The following TMEM33 variants were observed in gnomAD, a reference collection of about 807,000 sequenced individuals.
The protein encoded by TMEM33 is transmembrane protein 33.
In TMEM33, 16 loss-of-function variants were observed where a neutral mutation model predicts 29.7. That is an observed-to-expected ratio of 0.54 (90% CI 0.36 to 0.82). The LOEUF is 0.82. Ranked by LOEUF, TMEM33 falls within the 40% of genes least tolerant of loss-of-function variation. TMEM33 has a pLI of 0.00. For missense variants in TMEM33, 252 were observed against 295.3 expected (o/e 0.85, Z 1.08); for synonymous variants, 112 against 109.4 (o/e 1.02, Z -0.15).
At chr4:41,937,971 G>T (rs1712324880) in intron 1 of TMEM33, among the ~76,000 whole-genome samples, 1 of 152,130 alleles carries the variant, frequency 6.6e-6, no homozygotes, top group Non-Finnish European at 1.5e-5. Flanking sequence ...AGAGGCAGGT[G>T]GCCATTTAAT....
intron 5 of TMEM33, among the ~76,000 whole-genome samples, 188 bp downstream of exon 5, chr4:41,945,114 A>G (rs535492135): frequency 0.044 from 6,659 of 152,166 alleles, 442 homozygotes; most frequent in African/African-American, 0.15. Context: ...TAGACCTAGG[A>G]ATTTGTCTTA....
At chr4:41,941,762 C>T (rs868487404) in intron 3 of TMEM33, among the ~76,000 whole-genome samples, 6 of 152,244 alleles carry the variant, frequency 3.9e-5, no homozygotes, top group African/African-American at 7.2e-5. Context: ...TAAATAAAAG[C>T]GGGCCCAAAG....
chr4:41,959,750 G>A lies in TMEM33; in HGVS notation c.*5551G>A, dbSNP rs1382016125. On this transcript the variant is annotated 3_prime_UTR_variant, in exon 7 of 7. Coordinates refer to ENST00000504986, the MANE Select transcript of TMEM33 (RefSeq NM_018126.3). Reference sequence around the variant, plus strand: ...ACCAAATCGGTGAAGTGTTGAGCAAGTAACATTTATGATGTGTGTATATTG... The same window carrying A: ...ACCAAATCGGTGAAGTGTTGAGCAAATAACATTTATGATGTGTGTATATTG... 2.6e-5 allele frequency: 4 copies of A among 152,138 alleles called. No individual in the cohort carries two copies. The highest frequency in any genetic ancestry group is 4.4e-5 in the Non-Finnish European group (3 of 67,984). The allele number at this position is 152,138 out of a possible 1,614,324, so 9.4% of individuals were successfully genotyped here. A position where few individuals can be genotyped will look rare whatever the true frequency, so the allele number is the denominator to read the frequency against.
At chr4:41,951,015 C>T (rs1577654937) in intron 6 of TMEM33, among the ~76,000 whole-genome samples, 1 of 152,258 alleles carries the variant, frequency 6.6e-6, no homozygotes, top group South Asian at 2.1e-4. Context: ...AATATTTCAG[C>T]TTGTAAATAT....
upstream of TMEM33, chr4:41,935,236 C>T (rs980713559): frequency 3.3e-5 from 19 of 584,174 alleles, no homozygotes; most frequent in Non-Finnish European, 5.2e-5. Context: ...CTGGAAACAC[C>T]GCTTTGATCT....
intron 6 of TMEM33, among the ~76,000 whole-genome samples, chr4:41,951,865 C>A (rs1041308110): frequency 1.1e-4 from 16 of 152,044 alleles, no homozygotes; most frequent in Admixed American, 1.0e-3. Context: ...ATATCTGTGT[C>A]CACAAAGGTA....
In TMEM33 at chr4:41,940,147, C is replaced by CA. The variant is rs1215702673; in HGVS notation, c.328+765dup. Reference sequence around the variant, plus strand: ...TGCTGGGATTATAGGCGTGAGCCATCACGCCCAGCCAGGTCAAACATTTTT... The same window carrying CA: ...TGCTGGGATTATAGGCGTGAGCCATCAACGCCCAGCCAGGTCAAACATTTTT... On this transcript the variant is annotated intron_variant, in intron 3 of 6. Transcript: ENST00000504986. Among the ~76,000 whole-genome samples, 5 of 145,268 alleles carry CA rather than the reference C, an allele frequency of 3.4e-5. No homozygotes were observed. In the East Asian group the frequency reaches 1.1e-3, roughly 32 times the overall value.
intron 5 of TMEM33, 91 bp from the exon 6 acceptor site, chr4:41,949,211 A>C: frequency 4.0e-6 from 3 of 758,108 alleles, no homozygotes; most frequent in South Asian, 3.8e-5. Context: ...ATGAAGATAC[A>C]CATATTCTCC....
Position 41,954,364 on chromosome 4 carries a change from C to A in TMEM33, c.*165C>A. ...TAATCATTTTCTTGGCATGTTAAAT[C>A]AAGCTTAAAAAGTTTTGAGAAAATT... On this transcript the variant is annotated 3_prime_UTR_variant, in exon 7 of 7. Coordinates refer to ENST00000504986, the MANE Select transcript of TMEM33 (RefSeq NM_018126.3). The A allele has an allele frequency of 2.4e-6, 2 of 849,726 alleles. No individual in the cohort carries two copies. The highest frequency in any genetic ancestry group is 2.4e-5 in the South Asian group (1 of 42,310). 52.6% of individuals were successfully genotyped at this position (849,726 alleles called of 1,614,324 possible).
intron 5 of TMEM33, 58 bp downstream of exon 5, chr4:41,944,984 A>G: frequency 6.3e-7 from 1 of 1,585,518 alleles, no homozygotes. Context: ...TAAAGATAGT[A>G]ACTCAAGTTT....
Position 41,957,528 on chromosome 4 carries a change from G to C in TMEM33, c.*3329G>C, listed in dbSNP as rs1279295257. 1 of 151,030 alleles carries C rather than the reference G, an allele frequency of 6.6e-6. No homozygotes were observed. The highest frequency in any genetic ancestry group is 2.4e-5 in the African/African-American group (1 of 41,152). 9.4% of individuals were successfully genotyped at this position (151,030 alleles called of 1,614,324 possible). On this transcript the variant is annotated 3_prime_UTR_variant, in exon 7 of 7. Coordinates refer to ENST00000504986, the MANE Select transcript of TMEM33 (RefSeq NM_018126.3). Reference sequence around the variant, plus strand: ...GGTTAGGTTTCTAAGTTTAGGACATGAATATTATTTTTTTCTGGAAAAGAA... The same window carrying C: ...GGTTAGGTTTCTAAGTTTAGGACATCAATATTATTTTTTTCTGGAAAAGAA...
chr4:41,947,307 C>G (rs562875269), intron 5 of TMEM33, among the ~76,000 whole-genome samples: 1 of 151,506 alleles, frequency 6.6e-6, no homozygotes, highest in South Asian at 2.1e-4. Flanking sequence ...TATCCTGAAA[C>G]CTCCAGATTC....
At chr4:41,942,410 T>TGG (rs1324592303) in intron 3 of TMEM33, among the ~76,000 whole-genome samples, 1 of 152,208 alleles carries the variant, frequency 6.6e-6, no homozygotes, top group Non-Finnish European at 1.5e-5. Flanking sequence ...GGATATAGGT[T>TGG]GGTGTCTTGC....
chr4:41,943,398 G>C (rs902219012), intron 3 of TMEM33, among the ~76,000 whole-genome samples: 1 of 151,918 alleles, frequency 6.6e-6, no homozygotes, highest in South Asian at 2.1e-4. Context: ...GGTGGCAGGC[G>C]CCTATAATCC....
In TMEM33 at chr4:41,960,670, A is replaced by G. The variant is rs569001457; in HGVS notation, c.*6471A>G. On this transcript the variant is annotated 3_prime_UTR_variant, in exon 7 of 7. Transcript: ENST00000504986. ...GTTAGAATAAGGTGAATTTGAACACACTCCTCTTATCCTCAGCCCATCACA... is the reference window on the plus strand; with the variant it reads ...GTTAGAATAAGGTGAATTTGAACACGCTCCTCTTATCCTCAGCCCATCACA... 5.3e-5 allele frequency: 8 copies of G among 152,034 alleles called. No homozygotes were observed. The South Asian group carries it at 1.0e-3, about 20-fold the overall frequency. The allele number at this position is 152,034 out of a possible 1,614,324, so 9.4% of individuals were successfully genotyped here.
intron 4 of TMEM33, among the ~76,000 whole-genome samples, chr4:41,944,504 TAGAG>T (rs1022998929): frequency 6.6e-6 from 1 of 152,192 alleles, no homozygotes; most frequent in Admixed American, 6.5e-5. Flanking sequence ...TTGTTGTGGT[TAGAG>T]AGAAATAACC....
intron 5 of TMEM33, among the ~76,000 whole-genome samples, chr4:41,945,991 A>C (rs1421770242): frequency 7.0e-6 from 1 of 142,490 alleles, no homozygotes; most frequent in Non-Finnish European, 1.5e-5. Context: ...AAAAAAAAAA[A>C]GAAAAGGAAA....
At position 41,956,587 on chromosome 4, in the gene TMEM33, A is replaced by G. The variant is rs535037962; in HGVS notation, c.*2388A>G. On this transcript the variant is annotated 3_prime_UTR_variant, in exon 7 of 7. Transcript: ENST00000504986. ...TTATTTTGAAAAGTACTGTTGGTCA[A>G]GATAATTGGTCAATAATCCATGTTG... The G allele has an allele frequency of 2.6e-5, 4 of 152,254 alleles. No individual in the cohort carries two copies. The highest frequency in any genetic ancestry group is 9.6e-5 in the African/African-American group (4 of 41,560). The allele number at this position is 152,254 out of a possible 1,614,324, so 9.4% of individuals were successfully genotyped here.
chr4:41,935,143 G>A (rs1233221585), upstream of TMEM33: 5 of 413,750 alleles, frequency 1.2e-5, no homozygotes, highest in Non-Finnish European at 2.2e-5. Context: ...GAGCACTTCC[G>A]GGTTCGGCAA....
Sources: allele counts gnomAD v4.1 joint callset (sites outside exome capture counted in the v4.1 genomes callset), GRCh38; gene constraint gnomAD v4.1.1; transcripts MANE v1.5; gene names NCBI Gene and HGNC (gene_info 2026-07-23, HGNC 2026-07-21).